TJP1: variants seen among roughly 807,000 people sequenced by gnomAD.
TJP1 encodes tight junction protein 1.
TJP1 carries 43 observed loss-of-function variants against 194.2 expected under a neutral mutation model. That is an observed-to-expected ratio of 0.22 (90% CI 0.17 to 0.29). The LOEUF (loss-of-function observed/expected upper bound fraction) is 0.29. Among genes scored for constraint, TJP1 ranks in the 10% least tolerant of loss-of-function variants. The pLI is 1.00. For missense variants in TJP1, 1,971 were observed against 2,185.7 expected (o/e 0.90, Z 1.96); for synonymous variants, 801 against 779.0 (o/e 1.03, Z -0.47).
intron 2 of TJP1, among the ~76,000 whole-genome samples, chr15:29,775,247 A>C (rs1191791405): frequency 6.6e-6 from 1 of 151,504 alleles, no homozygotes; most frequent in East Asian, 1.9e-4. Context: ...AGTAGTAGTG[A>C]TGCTGGCAAT....
chr15:29,791,396 G>A (rs1315277259), intron 2 of TJP1, among the ~76,000 whole-genome samples: 1 of 148,672 alleles, frequency 6.7e-6, no homozygotes, highest in Non-Finnish European at 1.5e-5. Context: ...CAGTTTTTGA[G>A]GAGCCTCCAT....
intron 2 of TJP1, among the ~76,000 whole-genome samples, chr15:29,921,847 CT>C (rs202166290): frequency 6.1e-5 from 9 of 147,282 alleles, no homozygotes; most frequent in East Asian, 2.0e-4. Flanking sequence ...TTCTTTCTTT[CT>C]TTTTTTTTTC....
rs567661068 is a variant in TJP1 at position 29,839,625 on chromosome 15, A to C, written c.307-38923T>G. 6.6e-5 allele frequency among the ~76,000 whole-genome samples: 10 copies of C among 152,300 alleles called. No homozygotes were observed. In the South Asian group the frequency reaches 2.1e-3, roughly 32 times the overall value. On this transcript the variant is annotated intron_variant, in intron 2 of 28. Transcript: ENST00000356107. ...CACTTTACTCCATCTTTGGTGACAG[A>C]GAGAGAACTTGTCTCTAAAAATATA...
chr15:29,804,418 T>C (rs1002576827), intron 1 of TJP1, among the ~76,000 whole-genome samples: 1 of 152,138 alleles, frequency 6.6e-6, no homozygotes, highest in Non-Finnish European at 1.5e-5. Context: ...ACATTTTTAG[T>C]ACCAGTAAAT....
At chr15:29,848,996 C>G (rs1238611216) in intron 2 of TJP1, among the ~76,000 whole-genome samples, 1 of 151,726 alleles carries the variant, frequency 6.6e-6, no homozygotes, top group Non-Finnish European at 1.5e-5. Flanking sequence ...TAATAACTTG[C>G]TGACATATCA....
In TJP1 at chr15:29,701,404, A is replaced by G. The variant is rs1595529726; in HGVS notation, c.*191T>C. The G allele has an allele frequency of 1.0e-5, 5 of 484,674 alleles. No homozygotes were observed. The East Asian group carries it at 1.5e-4, about 14-fold the overall frequency. 30.0% of individuals were successfully genotyped at this position (484,674 alleles called of 1,614,324 possible). Reference sequence around the variant, plus strand: ...ACCAACAGTCCCGTCAATCACAAACATGCAGTGTGTAGCATGTTTTCCGAC... The same window carrying G: ...ACCAACAGTCCCGTCAATCACAAACGTGCAGTGTGTAGCATGTTTTCCGAC... On this transcript the variant is annotated 3_prime_UTR_variant, in exon 28 of 28. Coordinates refer to ENST00000614355, the MANE Select transcript of TJP1 (RefSeq NM_001330239.4).
intron 2 of TJP1, among the ~76,000 whole-genome samples, chr15:29,862,506 T>C (rs2052117612): frequency 6.6e-6 from 1 of 152,008 alleles, no homozygotes; most frequent in Non-Finnish European, 1.5e-5. Flanking sequence ...GCTGGAATGT[T>C]ATGGGAAGTG....
intron 2 of TJP1, among the ~76,000 whole-genome samples, chr15:29,784,903 C>CA (rs1330491277): frequency 4.0e-5 from 6 of 151,338 alleles, no homozygotes; most frequent in South Asian, 4.2e-4. Context: ...ATAGCATGTG[C>CA]AAAAAAAAAT....
At chr15:29,752,887 T>A (rs2045380224) in intron 8 of TJP1, among the ~76,000 whole-genome samples, 1 of 152,186 alleles carries the variant, frequency 6.6e-6, no homozygotes, top group South Asian at 2.1e-4. Flanking sequence ...TGGGCTATAT[T>A]GCTGCCCTTC....
Position 29,718,601 on chromosome 15 carries a change from C to A in TJP1, c.3541G>T (p.Ala1181Ser). 6.2e-7 allele frequency: 1 copy of A among 1,614,148 alleles called. No homozygotes were observed. The highest frequency in any genetic ancestry group is 8.5e-7 in the Non-Finnish European group (1 of 1,180,028). The change falls in exon 21 of 28, where the codon GCA becomes TCA. Residue 1181 changes from alanine to serine, a missense_variant. This residue lies in a region of TJP1 where 1,108 missense variants were observed against 1,128.5 expected (regional missense o/e 0.98). Transcript: ENST00000614355. Reference protein sequence around the residue: ...LRPEAQPHPSAGPKPAESKQY... With the variant: ...LRPEAQPHPSSGPKPAESKQY... Reference sequence around the variant, plus strand: ...TTGGACTCTGCAGGCTTGGGCCCTGCTGAAGGGTGGGGCTGGGCTTCCGGT... The same window carrying A: ...TTGGACTCTGCAGGCTTGGGCCCTGATGAAGGGTGGGGCTGGGCTTCCGGT...
At chr15:29,862,160 C>T (rs1265507919) in intron 2 of TJP1, among the ~76,000 whole-genome samples, 2 of 151,688 alleles carry the variant, frequency 1.3e-5, no homozygotes, top group African/African-American at 4.8e-5. Flanking sequence ...AAATTTTGGC[C>T]CAGAAAGATC....
At chr15:29,771,503 GC>G (rs2046674799) in intron 4 of TJP1, among the ~76,000 whole-genome samples, 1 of 152,100 alleles carries the variant, frequency 6.6e-6, no homozygotes, top group Non-Finnish European at 1.5e-5. Flanking sequence ...GAAACATTAA[GC>G]CAAAAAGAGG....
At chr15:29,906,307 T>C (rs984547872) in intron 2 of TJP1, among the ~76,000 whole-genome samples, 1 of 151,766 alleles carries the variant, frequency 6.6e-6, no homozygotes, top group Non-Finnish European at 1.5e-5. Context: ...ACCTCATCTC[T>C]ACCAAAAATT....
At chr15:29,865,296 A>G (rs761912630) in intron 2 of TJP1, among the ~76,000 whole-genome samples, 1 of 152,216 alleles carries the variant, frequency 6.6e-6, no homozygotes, top group Non-Finnish European at 1.5e-5. Flanking sequence ...AAAGCCTAAG[A>G]GCATGGGGAA....
At chr15:29,962,120 A>G (rs1425542373) in intron 1 of TJP1, among the ~76,000 whole-genome samples, 1 of 152,168 alleles carries the variant, frequency 6.6e-6, no homozygotes, top group Non-Finnish European at 1.5e-5. Flanking sequence ...TTTAAATCTG[A>G]CAGAGATACA....
intron 8 of TJP1, among the ~76,000 whole-genome samples, chr15:29,756,853 T>A (rs1366666768): frequency 2.6e-5 from 4 of 152,150 alleles, no homozygotes; most frequent in African/African-American, 4.8e-5. Context: ...TATTGCAACC[T>A]CTCAATTTTA....
At chr15:29,828,649 G>T (rs1394313317) in intron 2 of TJP1, among the ~76,000 whole-genome samples, 1 of 151,662 alleles carries the variant, frequency 6.6e-6, no homozygotes, top group African/African-American at 2.4e-5. Context: ...TATATCATTT[G>T]CCTATTACAT....
At chr15:29,720,871 A>G (rs1423514343) in intron 18 of TJP1, among the ~76,000 whole-genome samples, 163 bp from the exon 19 acceptor site, 1 of 152,206 alleles carries the variant, frequency 6.6e-6, no homozygotes, top group Admixed American at 6.5e-5. Context: ...ACAAGCACAC[A>G]CGCAGACACA....
At chr15:29,842,480 C>A (rs955269958) in intron 2 of TJP1, among the ~76,000 whole-genome samples, 1 of 152,062 alleles carries the variant, frequency 6.6e-6, no homozygotes, top group Non-Finnish European at 1.5e-5. Context: ...CACACCCACA[C>A]TCACACTGGG....
Sources: allele counts gnomAD v4.1 joint callset (sites outside exome capture counted in the v4.1 genomes callset), GRCh38; gene constraint gnomAD v4.1.1; regional missense constraint gnomAD v4.1.1; transcripts MANE v1.5; gene names NCBI Gene and HGNC (gene_info 2026-07-23, HGNC 2026-07-21).